The following PAQR7 variants were observed in gnomAD, a reference collection of about 807,000 sequenced individuals.
The protein encoded by PAQR7 is progestin and adipoQ receptor family member 7.
In PAQR7, 14 loss-of-function variants were observed where a neutral mutation model predicts 24.6. That is an observed-to-expected ratio of 0.57 (90% confidence interval 0.38 to 0.89). The LOEUF (loss-of-function observed/expected upper bound fraction) is 0.89, where lower values mean the gene tolerates loss of function less well. Ranked by LOEUF, PAQR7 falls within the 40% of genes least tolerant of loss-of-function variation. The pLI is 0.00. For missense variants in PAQR7, 351 were observed against 444.0 expected (o/e 0.79, Z 1.88); for synonymous variants, 189 against 198.8 (o/e 0.95, Z 0.42).
At chr1:25,872,771 A>G (rs999702674) in intron 1 of PAQR7, among the ~76,000 whole-genome samples, 2 of 152,100 alleles carry the variant, frequency 1.3e-5, no homozygotes, top group Non-Finnish European at 2.9e-5. Context: ...TTGGCCTCCC[A>G]AAGTGTTGAG....
In PAQR7 at chr1:25,864,875, G is replaced by C. The variant is rs535657147; in HGVS notation, c.-22-1014C>G. Among the ~76,000 whole-genome samples the C allele has an allele frequency of 4.6e-5, 7 of 152,052 alleles. 1 individual carries two copies. In the East Asian group the frequency reaches 1.4e-3, roughly 29 times the overall value. On this transcript the variant is annotated intron_variant, in intron 2 of 2. Coordinates refer to ENST00000675840, the MANE Select transcript of PAQR7 (RefSeq NM_178422.6). ...CCTGTCTCTTAAAAAAACAAACAGC[G>C]GCCAGGTGCGGTGGCTCACATCTGT...
chr1:25,874,182 C>CT (rs36099426), intron 1 of PAQR7, among the ~76,000 whole-genome samples: 4,265 of 139,936 alleles, frequency 0.03, 190 homozygotes, highest in African/African-American at 0.099. Flanking sequence ...CATGCCCAGA[C>CT]TTTTTTTTTT....
Position 25,869,298 on chromosome 1 carries a change from G to A in PAQR7, c.-23+1311C>T, listed in dbSNP as rs534145333. ...AGAAGTCAAAAGCTCCCAGCTGGGC[G>A]CAGTGGCTCACACCTGTAATCCCAG... On this transcript the variant is annotated intron_variant, in intron 2 of 2. Coordinates refer to ENST00000675840, the MANE Select transcript of PAQR7 (RefSeq NM_178422.6). Among the ~76,000 whole-genome samples the A allele has an allele frequency of 1.8e-3, 280 of 152,190 alleles. 1 individual carries two copies. Among genetic ancestry groups the A allele is most frequent in the Middle Eastern group, 0.014 (4 of 294 alleles).
At chr1:25,874,133 T>A (rs979802113) in intron 1 of PAQR7, among the ~76,000 whole-genome samples, 3 of 151,502 alleles carry the variant, frequency 2.0e-5, no homozygotes, top group Admixed American at 6.6e-5. Flanking sequence ...TCCGCCTGCC[T>A]CGGCCTCCCA....
At chr1:25,868,115 T>G (rs2048572638) in intron 2 of PAQR7, among the ~76,000 whole-genome samples, 4 of 152,190 alleles carry the variant, frequency 2.6e-5, no homozygotes, top group Admixed American at 6.5e-5. Flanking sequence ...CCCACTCTTG[T>G]CCACAACTTT....
intron 1 of PAQR7, among the ~76,000 whole-genome samples, chr1:25,872,165 C>T (rs1031033941): frequency 6.6e-6 from 1 of 152,194 alleles, no homozygotes; most frequent in Non-Finnish European, 1.5e-5. Context: ...GCCTCTTGGG[C>T]TCTTGTGGAA....
rs2048529968 is a variant in PAQR7 at position 25,863,519 on chromosome 1, G to A, written c.321C>T (p.Leu107=). 4 of 1,614,234 alleles carry A rather than the reference G, an allele frequency of 2.5e-6. No individual in the cohort carries two copies. Among genetic ancestry groups the A allele is most frequent in the Non-Finnish European group, 2.5e-6 (3 of 1,180,040 alleles). Reference sequence around the variant, plus strand: ...TGAAAGAGGCAAGGACAATGATGAAGAGGGGCAGGGCGTGTGGGTCTCCCC... The same window carrying A: ...TGAAAGAGGCAAGGACAATGATGAAAAGGGGCAGGGCGTGTGGGTCTCCCC... ...DFWGDPHALP[L]FIIVLASFTY... The change falls in exon 3 of 3, where the codon CTC becomes CTT. Residue 107 remains leucine (L), a synonymous_variant. Transcript: ENST00000675840. The surrounding 1 kb of genome is among the most constrained non-coding windows in gnomAD (Gnocchi z 6.1).
Position 25,863,356 on chromosome 1 carries a change from T to C in PAQR7, c.484A>G (p.Ile162Val), listed in dbSNP as rs1021314393. 8.1e-6 allele frequency: 13 copies of C among 1,614,060 alleles called. No homozygotes were observed. The highest frequency in any genetic ancestry group is 5.3e-5 in the African/African-American group (4 of 74,922). ...ACCTGGGCATGCCAGGCGGGCTCGA[T>C]AGCATAGTAGAAGTGTGCCAAGGCA... ...GSALAHFYYAIEPAWHAQVQA... is the reference protein window; with the variant it reads ...GSALAHFYYAVEPAWHAQVQA... The change falls in exon 3 of 3, where the codon ATC becomes GTC. Residue 162 changes from isoleucine to valine, a missense_variant. Physicochemically the swap from Ile to Val is conservative, Grantham distance 29. Coordinates refer to ENST00000675840, the MANE Select transcript of PAQR7 (RefSeq NM_178422.6). This position sits in a 1 kb window ranked among gnomAD's most constrained non-coding sequence, Gnocchi z 6.1.
Position 25,863,419 on chromosome 1 carries a change from GGAA to G in PAQR7, c.418_420del (p.Phe140del), listed in dbSNP as rs749258548. 5.0e-6 allele frequency: 8 copies of G among 1,614,126 alleles called. No homozygotes were observed. Among genetic ancestry groups the G allele is most frequent in the South Asian group, 1.1e-5 (1 of 91,094 alleles). On this transcript the variant is annotated inframe_deletion, in exon 3 of 3. Transcript: ENST00000675840. The surrounding 1 kb of genome is among the most constrained non-coding windows in gnomAD (Gnocchi z 6.1). ...TACACGGCCACCCCCACATAGTCCA[GGAA>G]GAAGAAGCTGTAATGCCAGAACTCA...
chr1:25,867,449 TTG>T (rs1572278916), intron 2 of PAQR7, among the ~76,000 whole-genome samples: 5 of 152,360 alleles, frequency 3.3e-5, no homozygotes, highest in East Asian at 3.9e-4. Flanking sequence ...CCGTCATTCA[TTG>T]TGTTATTCAT....
chr1:25,869,594 A>AG (rs1557466994), intron 2 of PAQR7, among the ~76,000 whole-genome samples: 2 of 150,324 alleles, frequency 1.3e-5, no homozygotes, highest in Non-Finnish European at 3.0e-5. Context: ...GAAAAAAGAA[A>AG]GGAAAAAAAA....
chr1:25,867,995 C>A (rs2048571802), intron 2 of PAQR7, among the ~76,000 whole-genome samples: 1 of 152,216 alleles, frequency 6.6e-6, no homozygotes, highest in South Asian at 2.1e-4. Context: ...TTGACGGGGC[C>A]ACTTCCATCC....
At position 25,862,639 on chromosome 1, in the gene PAQR7, C is replaced by A; in HGVS notation, c.*160G>T. The A allele has an allele frequency of 1.2e-6, 1 of 811,272 alleles. No homozygotes were observed. Among genetic ancestry groups the A allele is most frequent in the Non-Finnish European group, 1.9e-6 (1 of 520,694 alleles). 50.3% of individuals were successfully genotyped at this position (811,272 alleles called of 1,614,324 possible). A position where few individuals can be genotyped will look rare whatever the true frequency, so the allele number is the denominator to read the frequency against. ...AGCAACTCCTAGCCAATCCCTAAAT[C>A]CAAGAATTGGCCAGTGATGCCCTTG... is the stretch of plus-strand genomic sequence containing the variant. On this transcript the variant is annotated 3_prime_UTR_variant, in exon 3 of 3. Coordinates refer to ENST00000675840, the MANE Select transcript of PAQR7 (RefSeq NM_178422.6).
Position 25,875,079 on chromosome 1 carries a change from C to A in PAQR7, c.-109+409G>T, listed in dbSNP as rs993772917. Among the ~76,000 whole-genome samples, 1 of 152,174 alleles carries A rather than the reference C, an allele frequency of 6.6e-6. No individual in the cohort carries two copies. The highest frequency in any genetic ancestry group is 2.1e-4 in the South Asian group (1 of 4,830). On this transcript the variant is annotated intron_variant, in intron 1 of 2. Coordinates refer to ENST00000675840, the MANE Select transcript of PAQR7 (RefSeq NM_178422.6). The surrounding 1 kb of genome is among the most constrained non-coding windows in gnomAD (Gnocchi z 5.4). ...GCTCCAGGAAGGCAGCGGCCTTGCC[C>A]GGGCCAGACGCCCCTACCCACTCCC...
chr1:25,868,355 T>C (rs1170066861), intron 2 of PAQR7, among the ~76,000 whole-genome samples: 1 of 152,074 alleles, frequency 6.6e-6, no homozygotes, highest in Admixed American at 6.6e-5. Context: ...ATCTGATAAG[T>C]CCAGTCCTGT....
intron 2 of PAQR7, among the ~76,000 whole-genome samples, chr1:25,864,254 G>A (rs955094169): frequency 6.6e-5 from 10 of 152,234 alleles, no homozygotes; most frequent in South Asian, 2.1e-4. Flanking sequence ...CTCTCAGCCC[G>A]TGTTCATGCC....
chr1:25,871,381 G>A (rs2048604496), intron 1 of PAQR7: 1 of 151,582 alleles, frequency 6.6e-6, no homozygotes, highest in African/African-American at 2.4e-5. Context: ...ACAAGAGGGT[G>A]AACCAAATTA....
chr1:25,862,396 A>G lies in PAQR7; in HGVS notation c.*403T>C, dbSNP rs2048518551. 1 of 194,958 alleles carries G rather than the reference A, an allele frequency of 5.1e-6. No individual in the cohort carries two copies. The highest frequency in any genetic ancestry group is 1.1e-5 in the Non-Finnish European group (1 of 94,978). The allele number at this position is 194,958 out of a possible 1,614,324, so 12.1% of individuals were successfully genotyped here. On this transcript the variant is annotated 3_prime_UTR_variant, in exon 3 of 3. Transcript: ENST00000675840. The stretch of plus-strand genomic sequence containing the variant: ...GCATCCAGCAATGAAATCTGAGTAG[A>G]AGTAGGTTGCCAAGGCCTCCCCTGG...
Position 25,863,780 on chromosome 1 carries a change from C to G in PAQR7, c.60G>C (p.Glu20Asp). 2.5e-6 allele frequency: 4 copies of G among 1,613,542 alleles called. No homozygotes were observed. The highest frequency in any genetic ancestry group is 2.5e-6 in the Non-Finnish European group (3 of 1,179,966). ...GCTCTGGCTGCAGAGATAGCTGAGG[C>G]TCCTGGATGACCTGCCGCAGACTCG... is the stretch of plus-strand genomic sequence containing the variant. ...LLPSLRQVIQ[E>D]PQLSLQPEPV... The change falls in exon 3 of 3, where the codon GAG becomes GAC. Residue 20 changes from glutamate (E) to aspartate (D), a missense_variant. Physicochemically the swap from Glu to Asp is conservative, Grantham distance 45 (BLOSUM62 2). Transcript: ENST00000675840. This position sits in a 1 kb window ranked among gnomAD's most constrained non-coding sequence, Gnocchi z 6.1.
Sources: gnomAD v4.1 joint callset for allele counts (sites outside exome capture counted in the v4.1 genomes callset) on GRCh38, gnomAD v4.1.1 for gene constraint, Gnocchi (gnomAD v3.1) non-coding constraint, MANE v1.5 for transcripts, NCBI Gene and HGNC (gene_info 2026-07-23, HGNC 2026-07-21) for gene names.